PID1: variants seen among roughly 807,000 people sequenced by gnomAD.
The protein encoded by PID1 is phosphotyrosine interaction domain containing 1, also known as PTB-containing, cubilin and LRP1-interacting protein.
Under a neutral mutation model 19.1 loss-of-function variants are expected in PID1, and 10 were observed. That is an observed-to-expected ratio of 0.52 (90% CI 0.32 to 0.89). PID1 has a LOEUF of 0.89. Ranked by LOEUF, PID1 falls within the 40% of genes least tolerant of loss-of-function variation. PID1 has a pLI of 0.03. For missense variants in PID1, 248 were observed against 285.3 expected, an observed-to-expected ratio of 0.87 and a Z score of 0.94; for synonymous variants, 130 against 116.0, an observed-to-expected ratio of 1.12 and a Z score of -0.78.
intron 2 of PID1, among the ~76,000 whole-genome samples, chr2:229,058,939 G>A (rs1694157735): frequency 6.6e-6 from 1 of 152,112 alleles, no homozygotes; most frequent in Admixed American, 6.6e-5. Flanking sequence ...TCAAAAAGGA[G>A]ACAAATGTGA....
chr2:229,116,622 C>T (rs1053864584), intron 2 of PID1, among the ~76,000 whole-genome samples: 3 of 152,154 alleles, frequency 2.0e-5, no homozygotes, highest in Non-Finnish European at 4.4e-5. Flanking sequence ...TGCACAAGCT[C>T]GCTCCTGCCC....
intron 2 of PID1, among the ~76,000 whole-genome samples, chr2:229,100,358 A>G (rs1313101778): frequency 2.0e-5 from 3 of 152,232 alleles, no homozygotes; most frequent in African/African-American, 7.2e-5. Context: ...ATTTAAAATT[A>G]AAAATAGGTT....
intron 1 of PID1, among the ~76,000 whole-genome samples, chr2:229,238,025 T>G (rs1689762757): frequency 6.6e-6 from 1 of 152,230 alleles, no homozygotes; most frequent in South Asian, 2.1e-4. Context: ...GAAGGTTACT[T>G]TAAGTTTTCA....
chr2:229,248,756 T>C (rs1403655942), intron 1 of PID1, among the ~76,000 whole-genome samples: 2 of 151,826 alleles, frequency 1.3e-5, no homozygotes, highest in African/African-American at 2.4e-5. Flanking sequence ...TATGAACTCA[T>C]AGACTTATTT....
At chr2:229,096,329 C>T (rs1277475764) in intron 2 of PID1, among the ~76,000 whole-genome samples, 2 of 152,080 alleles carry the variant, frequency 1.3e-5, no homozygotes, top group African/African-American at 4.8e-5. Context: ...AGATGTATGC[C>T]ACTTTTTGGA....
At chr2:229,241,809 CCTT>C (rs1689877107) in intron 1 of PID1, among the ~76,000 whole-genome samples, 1 of 152,100 alleles carries the variant, frequency 6.6e-6, no homozygotes, top group Non-Finnish European at 1.5e-5. Context: ...ACAAAAGTTA[CCTT>C]TTTTCAAAAC....
chr2:229,129,321 G>A (rs958400468), intron 2 of PID1, among the ~76,000 whole-genome samples: 3 of 151,938 alleles, frequency 2.0e-5, no homozygotes, highest in Non-Finnish European at 2.9e-5. Flanking sequence ...GGCTGAGGCA[G>A]GAGAATGGCA....
At chr2:229,120,791 C>T (rs1695501332) in intron 2 of PID1, among the ~76,000 whole-genome samples, 2 of 151,908 alleles carry the variant, frequency 1.3e-5, no homozygotes, top group Non-Finnish European at 2.9e-5. Context: ...GTAGATCCCT[C>T]AGGATTGGCT....
chr2:229,257,127 C>G (rs1167595627), intron 1 of PID1, among the ~76,000 whole-genome samples: 1 of 152,134 alleles, frequency 6.6e-6, no homozygotes, highest in Non-Finnish European at 1.5e-5. Context: ...TCAAAGTGTC[C>G]AAGCTCTTCC....
chr2:229,149,761 C>A (rs1690209144), intron 2 of PID1, among the ~76,000 whole-genome samples: 1 of 152,146 alleles, frequency 6.6e-6, no homozygotes, highest in African/African-American at 2.4e-5. Flanking sequence ...GTGCCTCACT[C>A]AAGAGGAGAC....
intron 1 of PID1, among the ~76,000 whole-genome samples, chr2:229,161,619 A>G (rs1213827819): frequency 6.6e-6 from 1 of 152,342 alleles, no homozygotes; most frequent in East Asian, 1.9e-4. Flanking sequence ...TACTTATTTG[A>G]ATAGACTAAA....
intron 2 of PID1, among the ~76,000 whole-genome samples, chr2:229,094,633 C>T (rs985150290): frequency 2.6e-5 from 4 of 151,974 alleles, no homozygotes; most frequent in Non-Finnish European, 5.9e-5. Context: ...GAAATAAAGA[C>T]AGATACAACC....
At chr2:229,212,683 C>T (rs947671992) in intron 1 of PID1, among the ~76,000 whole-genome samples, 17 of 152,102 alleles carry the variant, frequency 1.1e-4, no homozygotes, top group Non-Finnish European at 2.5e-4. Context: ...GTTTAGAATG[C>T]GGTTGGGAGG....
intron 2 of PID1, among the ~76,000 whole-genome samples, chr2:229,062,411 C>A (rs1694230718): frequency 6.6e-6 from 1 of 151,888 alleles, no homozygotes; most frequent in Admixed American, 6.6e-5. Flanking sequence ...TATGTTGAAC[C>A]ATCCTTGTAA....
At chr2:229,033,846 C>T (rs1693605885) in intron 2 of PID1, among the ~76,000 whole-genome samples, 2 of 152,180 alleles carry the variant, frequency 1.3e-5, no homozygotes, top group African/African-American at 4.8e-5. Context: ...AGAAAAGCTG[C>T]TCTTAACCCT....
At chr2:229,099,379 C>G (rs780396762) in intron 2 of PID1, among the ~76,000 whole-genome samples, 3 of 152,132 alleles carry the variant, frequency 2.0e-5, no homozygotes, top group Non-Finnish European at 4.4e-5. Flanking sequence ...ATTTGCACCC[C>G]CTGGCTTTGA....
chr2:229,177,583 A>T (rs1690850544), intron 1 of PID1, among the ~76,000 whole-genome samples: 1 of 152,018 alleles, frequency 6.6e-6, no homozygotes, highest in South Asian at 2.1e-4. Flanking sequence ...TCACCAAGTG[A>T]CTTATTTTCA....
chr2:229,228,022 C>T (rs751102802), intron 1 of PID1: 5 of 455,830 alleles, frequency 1.1e-5, no homozygotes, highest in South Asian at 7.7e-5. Flanking sequence ...CCCAGGGATA[C>T]TGAGGGACAA....
chr2:229,194,635 T>C (rs1691331899), intron 1 of PID1, among the ~76,000 whole-genome samples: 1 of 151,946 alleles, frequency 6.6e-6, no homozygotes, highest in South Asian at 2.1e-4. Flanking sequence ...GGTTCCTTAA[T>C]AAAATGAACA....
Sources: allele counts gnomAD v4.1 joint callset (sites outside exome capture counted in the v4.1 genomes callset), GRCh38; gene constraint gnomAD v4.1.1; transcripts MANE v1.5; gene names NCBI Gene and HGNC (gene_info 2026-07-23, HGNC 2026-07-21).